Variants in MSH3 observed in about 807,000 individuals in gnomAD.
The protein encoded by MSH3 is DNA mismatch repair protein Msh3.
Under a neutral mutation model 123.3 loss-of-function variants are expected in MSH3, and 106 were observed. The ratio of observed to expected loss-of-function variants is 0.86; its 90% CI spans 0.73 to 1.01. MSH3 has a LOEUF of 1.01. Among genes scored for constraint, MSH3 ranks in the 50% least tolerant of loss-of-function variants. MSH3 has a pLI of 0.00. For missense variants in MSH3, 1,459 were observed against 1,347.6 expected, an observed-to-expected ratio of 1.08 and a Z score of -1.29; for synonymous variants, 515 against 481.4, an observed-to-expected ratio of 1.07 and a Z score of -0.91.
At chr5:80,832,956 C>T (rs887715379) in intron 20 of MSH3, among the ~76,000 whole-genome samples, 2 of 152,138 alleles carry the variant, frequency 1.3e-5, no homozygotes, top group African/African-American at 4.8e-5. Context: ...AAGCCCACTC[C>T]ATTTGCCTGA....
At chr5:80,729,430 A>AG (rs1491210653) in intron 10 of MSH3, among the ~76,000 whole-genome samples, 2 of 78,376 alleles carry the variant, frequency 2.6e-5, no homozygotes, top group East Asian at 3.6e-4. Context: ...AAAAAAAAAA[A>AG]TGTGTGTGTG....
chr5:80,819,605 G>A (rs1745169032), intron 20 of MSH3, among the ~76,000 whole-genome samples: 1 of 151,538 alleles, frequency 6.6e-6, no homozygotes, highest in South Asian at 2.1e-4. Context: ...TCCTGCCTCA[G>A]CCTCCTGAGT....
intron 21 of MSH3, among the ~76,000 whole-genome samples, chr5:80,864,531 T>C (rs1024742813): frequency 6.6e-6 from 1 of 152,144 alleles, no homozygotes; most frequent in Non-Finnish European, 1.5e-5. Flanking sequence ...TCTTAGAAGA[T>C]AGAATCTTAA....
chr5:80,803,598 A>G (rs1342813003), intron 19 of MSH3, among the ~76,000 whole-genome samples: 1 of 135,588 alleles, frequency 7.4e-6, no homozygotes, highest in African/African-American at 2.6e-5. Context: ...CCATTTGTCC[A>G]TTTTTGCTTT....
At chr5:80,667,631 C>A (rs934942039) in intron 3 of MSH3, among the ~76,000 whole-genome samples, 6 of 152,168 alleles carry the variant, frequency 3.9e-5, no homozygotes, top group African/African-American at 7.2e-5. Context: ...CTGTGCACTG[C>A]CAGGCATGCT....
rs1471082186 is a variant in MSH3 at position 80,780,724 on chromosome 5, G to C, written c.2435+1888G>C. ...TCTACTAAAAATACAAAAATTAGCC[G>C]GGTGTGGTGGCATGTACCTGTAATC... is the stretch of plus-strand genomic sequence containing the variant. On this transcript the variant is annotated intron_variant, in intron 17 of 23. Coordinates refer to ENST00000265081, the MANE Select transcript of MSH3 (RefSeq NM_002439.5). Among the ~76,000 whole-genome samples, 7 of 152,080 alleles carry C rather than the reference G, an allele frequency of 4.6e-5. 1 individual carries two copies. Among genetic ancestry groups the C allele is most frequent in the South Asian group, 2.1e-4 (1 of 4,830 alleles).
chr5:80,790,896 A>G (rs1475336624), intron 18 of MSH3, among the ~76,000 whole-genome samples: 1 of 152,206 alleles, frequency 6.6e-6, no homozygotes, highest in African/African-American at 2.4e-5. Flanking sequence ...AATTTCATGT[A>G]TCAGCAAAAT....
intron 4 of MSH3, among the ~76,000 whole-genome samples, chr5:80,671,799 T>C (rs1346464): frequency 0.25 from 38,286 of 152,022 alleles, 4,930 homozygotes; most frequent in Middle Eastern, 0.32. Context: ...CAGCCTGGGG[T>C]TTCTCTTTTT....
intron 8 of MSH3, among the ~76,000 whole-genome samples, chr5:80,717,998 A>G (rs1290083929): frequency 6.6e-6 from 1 of 152,220 alleles, no homozygotes; most frequent in African/African-American, 2.4e-5. Flanking sequence ...TAAAATTGGA[A>G]TCATTTGTGT....
intron 12 of MSH3, among the ~76,000 whole-genome samples, chr5:80,751,267 G>A (rs775103618): frequency 6.6e-6 from 1 of 152,116 alleles, no homozygotes; most frequent in Non-Finnish European, 1.5e-5. Context: ...AAATTAAAGC[G>A]AGAACAAACA....
chr5:80,856,918 C>G (rs1274479145), intron 21 of MSH3, among the ~76,000 whole-genome samples: 3 of 151,822 alleles, frequency 2.0e-5, no homozygotes, highest in Admixed American at 6.6e-5. Context: ...ATTGCAGTAA[C>G]TAGGACTTTC....
chr5:80,857,625 T>C (rs1157236820), intron 21 of MSH3, among the ~76,000 whole-genome samples: 2 of 152,232 alleles, frequency 1.3e-5, no homozygotes, highest in Non-Finnish European at 2.9e-5. Context: ...TTGTGTCTTT[T>C]AAGGAATTGT....
rs1805353 is a variant in MSH3, at chr5:80,864,791, T to A, written c.3001-22T>A. 129,288 of 1,593,320 alleles carry A rather than the reference T, an allele frequency of 0.081. 5,818 individuals carry two copies. The highest frequency in any genetic ancestry group is 0.15 in the South Asian group (13,467 of 90,184). On this transcript the variant is annotated intron_variant, in intron 21 of 23. Coordinates refer to ENST00000265081, the MANE Select transcript of MSH3 (RefSeq NM_002439.5). ...ATAAAATTTAAAAATGAAATAACAT[T>A]TATTCTGTCTTATTGCTTTAGGTGA...
intron 10 of MSH3, 106 bp downstream of exon 10, chr5:80,729,071 A>G: frequency 1.4e-6 from 1 of 733,360 alleles, no homozygotes; most frequent in South Asian, 1.5e-5. Flanking sequence ...TGCTATTGAT[A>G]GAATACTAGG....
intron 19 of MSH3, among the ~76,000 whole-genome samples, chr5:80,802,111 A>T (rs1744799743): frequency 1.3e-5 from 2 of 152,176 alleles, no homozygotes; most frequent in African/African-American, 4.8e-5. Context: ...AAGGGAGGAA[A>T]TTGCTCCTTA....
intron 19 of MSH3, among the ~76,000 whole-genome samples, chr5:80,810,172 C>CATATATATATACATATATATATATATAT (rs1744981193): frequency 8.2e-6 from 1 of 121,590 alleles, no homozygotes; most frequent in East Asian, 2.1e-4. Context: ...GTTTGACATA[C>CATATATATATACATATATATATATATAT]ATATATATAT....
intron 12 of MSH3, among the ~76,000 whole-genome samples, chr5:80,755,299 CT>C (rs1182550224): frequency 6.6e-6 from 1 of 152,200 alleles, no homozygotes; most frequent in Non-Finnish European, 1.5e-5. Flanking sequence ...CTGCTTTGTT[CT>C]TCAACATTCG....
At chr5:80,767,872 CTAAT>C (rs1280908613) in intron 13 of MSH3, 57 bp from the exon 14 acceptor site, 23 of 1,294,372 alleles carry the variant, frequency 1.8e-5, no homozygotes, top group Non-Finnish European at 2.4e-5. Flanking sequence ...TTAAAAGTCA[CTAAT>C]TAAACTTCAT....
intron 8 of MSH3, among the ~76,000 whole-genome samples, chr5:80,695,457 C>T (rs1750456964): frequency 6.6e-6 from 1 of 152,076 alleles, no homozygotes; most frequent in Non-Finnish European, 1.5e-5. Flanking sequence ...GCCTTAGCCT[C>T]CCTAGTAGCT....
Sources: gnomAD v4.1 joint callset for allele counts (sites outside exome capture counted in the v4.1 genomes callset) on GRCh38, gnomAD v4.1.1 for gene constraint, MANE v1.5 for transcripts, NCBI Gene and HGNC (gene_info 2026-07-23, HGNC 2026-07-21) for gene names.